The following SPIRE1 variants were observed in gnomAD, a reference collection of about 807,000 sequenced individuals.
The protein encoded by SPIRE1 is spire type actin nucleation factor 1.
Under a neutral mutation model 94.1 loss-of-function variants are expected in SPIRE1, and 40 were observed. The ratio of observed to expected loss-of-function variants is 0.43; its 90% CI spans 0.33 to 0.55. The LOEUF is 0.55. Among genes scored for constraint, SPIRE1 ranks in the 20% least tolerant of loss-of-function variants. The probability of loss-of-function intolerance (pLI) is 0.06; values close to 1 mark genes in which losing one functional copy is unlikely to be tolerated. For missense variants in SPIRE1, 838 were observed against 975.2 expected, an observed-to-expected ratio of 0.86 and a Z score of 1.87; for synonymous variants, 376 against 371.7, an observed-to-expected ratio of 1.01 and a Z score of -0.13.
intron 7 of SPIRE1, among the ~76,000 whole-genome samples, chr18:12,494,466 G>A (rs1055078094): frequency 2.6e-5 from 4 of 151,970 alleles, no homozygotes; most frequent in Non-Finnish European, 2.9e-5. Flanking sequence ...GAGACACAGT[G>A]AGACTGTGTC....
chr18:12,532,873 G>A (rs1363011881), intron 4 of SPIRE1, among the ~76,000 whole-genome samples: 1 of 152,196 alleles, frequency 6.6e-6, no homozygotes, highest in African/African-American at 2.4e-5. Flanking sequence ...GATGACAGGA[G>A]CTTCAAAGGA....
intron 2 of SPIRE1, among the ~76,000 whole-genome samples, chr18:12,582,195 A>G (rs1489034797): frequency 6.6e-6 from 1 of 152,218 alleles, no homozygotes; most frequent in Non-Finnish European, 1.5e-5. Context: ...GGAAAAGCCC[A>G]AGGTCTGTAG....
At chr18:12,497,150 TC>T (rs1408630414) in intron 6 of SPIRE1, among the ~76,000 whole-genome samples, 1 of 152,112 alleles carries the variant, frequency 6.6e-6, no homozygotes, top group Non-Finnish European at 1.5e-5. Context: ...GGGATAAGAT[TC>T]ACATTTTGTA....
chr18:12,488,860 GAAAT>G (rs1337675861), intron 8 of SPIRE1, among the ~76,000 whole-genome samples: 2 of 152,110 alleles, frequency 1.3e-5, no homozygotes, highest in African/African-American at 4.8e-5. Context: ...TATCTCATAG[GAAAT>G]TGATTAGGGA....
chr18:12,583,756 C>T (rs1462207017), intron 2 of SPIRE1, among the ~76,000 whole-genome samples: 1 of 151,984 alleles, frequency 6.6e-6, no homozygotes, highest in Non-Finnish European at 1.5e-5. Context: ...AAAATCCCAC[C>T]TCTACAAAAT....
At position 12,485,983 on chromosome 18, in the gene SPIRE1, T is replaced by C. The variant is rs542522454; in HGVS notation, c.1207A>G (p.Met403Val). ...CCTGACAAGTCAAAACTGTAAGACA[T>C]GCTAAGTGGCCGCATTGCTGAAAAA... ...RSRLAMRPLS[M>V]SYSFDLSDVT... Residue 403 changes from methionine to valine, a missense_variant, in exon 9 of 17, where the codon ATG becomes GTG. Physicochemically the swap from Met to Val is conservative, Grantham distance 21. This residue lies in a region of SPIRE1 where 645 missense variants were observed against 804.7 expected (regional missense o/e 0.80). Transcript: ENST00000409402. 6.6e-6 allele frequency: 10 copies of C among 1,523,160 alleles called. No individual in the cohort carries two copies. In the African/African-American group the frequency reaches 7.1e-5, roughly 11 times the overall value. The allele number at this position is 1,523,160 out of a possible 1,614,324, so 94.4% of individuals were successfully genotyped here.
chr18:12,470,627 G>A (rs969654735), intron 10 of SPIRE1, among the ~76,000 whole-genome samples: 1 of 152,186 alleles, frequency 6.6e-6, no homozygotes. Flanking sequence ...GAGTACACAC[G>A]TGTGTGCATA....
intron 2 of SPIRE1, among the ~76,000 whole-genome samples, chr18:12,609,202 C>T (rs767644706): frequency 6.6e-6 from 1 of 152,204 alleles, no homozygotes; most frequent in Non-Finnish European, 1.5e-5. Context: ...CTGTAATGGT[C>T]TGTGGCCCGG....
chr18:12,546,530 G>C, intron 3 of SPIRE1, 144 bp downstream of exon 3: 4 of 666,630 alleles, frequency 6.0e-6, no homozygotes, highest in Non-Finnish European at 1.1e-5. Context: ...CTACTCATGA[G>C]GCAGAGGCTA....
intron 13 of SPIRE1, among the ~76,000 whole-genome samples, chr18:12,453,557 C>T (rs1475836072): frequency 1.3e-5 from 2 of 151,864 alleles, no homozygotes; most frequent in African/African-American, 4.8e-5. Context: ...CCTCAGCCTC[C>T]TGAGTAGCTG....
intron 2 of SPIRE1, among the ~76,000 whole-genome samples, chr18:12,624,571 T>C (rs1598549930): frequency 1.4e-5 from 2 of 142,824 alleles, no homozygotes; most frequent in African/African-American, 5.2e-5. Context: ...ATCTACATAC[T>C]CTATTGTAAA....
rs2034348216 is a variant in SPIRE1 at position 12,521,211 on chromosome 18, AT to A, written c.730-8681del. 3.3e-5 allele frequency among the ~76,000 whole-genome samples: 5 copies of A among 152,332 alleles called. No individual in the cohort carries two copies. The South Asian group carries it at 1.0e-3, about 32-fold the overall frequency. Reference sequence around the variant, plus strand: ...TTTAGGTAAAATATTTTTTAGTTTTATTTAAGATAAACCGAGCTCAATAATT... The same window carrying A: ...TTTAGGTAAAATATTTTTTAGTTTTATTAAGATAAACCGAGCTCAATAATT... On this transcript the variant is annotated intron_variant, in intron 4 of 16. Coordinates refer to ENST00000409402, the MANE Select transcript of SPIRE1 (RefSeq NM_001128626.2).
At chr18:12,658,295 C>G, upstream of SPIRE1, 1 of 444,686 alleles carries the variant, frequency 2.2e-6, no homozygotes, top group Non-Finnish European at 4.4e-6. Context: ...GGCGGTGACG[C>G]CCGGTCGGGG....
intron 2 of SPIRE1, among the ~76,000 whole-genome samples, chr18:12,622,475 T>G (rs1488585736): frequency 7.0e-6 from 1 of 142,934 alleles, no homozygotes; most frequent in East Asian, 2.1e-4. Context: ...CAGGCTGGAG[T>G]GCAGTGGCGC....
rs149368513 is a variant in SPIRE1, at chr18:12,543,714, G to C, written c.603+2960C>G. Among the ~76,000 whole-genome samples the C allele has an allele frequency of 1.1e-3, 175 of 152,288 alleles. 1 individual carries two copies. Among genetic ancestry groups the C allele is most frequent in the African/African-American group, 3.8e-3 (159 of 41,566 alleles). ...TTACACATTAAAGAGCGTCTTGCTT[G>C]CTAAGAATTGAAAACAAATTGTTTC... is the stretch of plus-strand genomic sequence containing the variant. On this transcript the variant is annotated intron_variant, in intron 3 of 16. Coordinates refer to ENST00000409402, the MANE Select transcript of SPIRE1 (RefSeq NM_001128626.2).
chr18:12,536,470 A>G (rs2034843298), intron 3 of SPIRE1, among the ~76,000 whole-genome samples: 1 of 152,136 alleles, frequency 6.6e-6, no homozygotes, highest in African/African-American at 2.4e-5. Context: ...TGGGTTCTGA[A>G]GCCAGGCTCA....
chr18:12,501,910 C>T (rs1016542617), intron 6 of SPIRE1, among the ~76,000 whole-genome samples: 4 of 152,124 alleles, frequency 2.6e-5, no homozygotes, highest in Non-Finnish European at 2.9e-5. Flanking sequence ...TGTGGTGAGC[C>T]GTGATCATGC....
intron 2 of SPIRE1, among the ~76,000 whole-genome samples, chr18:12,607,614 C>G (rs1053837201): frequency 1.3e-5 from 2 of 151,662 alleles, no homozygotes; most frequent in Non-Finnish European, 2.9e-5. Flanking sequence ...CACACACACA[C>G]ACACACACAC....
chr18:12,578,532 T>C (rs542752675), intron 2 of SPIRE1, among the ~76,000 whole-genome samples: 7 of 152,366 alleles, frequency 4.6e-5, no homozygotes, highest in South Asian at 4.1e-4. Flanking sequence ...GATGAAATGA[T>C]TGGAGCAGTG....
Sources: allele counts gnomAD v4.1 joint callset (sites outside exome capture counted in the v4.1 genomes callset), GRCh38; gene constraint gnomAD v4.1.1; regional missense constraint gnomAD v4.1.1; transcripts MANE v1.5; gene names NCBI Gene and HGNC (gene_info 2026-07-23, HGNC 2026-07-21).